The following TDRD9 variants were observed in gnomAD, a reference collection of about 807,000 sequenced individuals.
TDRD9 encodes the protein ATP-dependent RNA helicase TDRD9.
TDRD9 carries 124 observed loss-of-function variants against 172.6 expected under a neutral mutation model. The ratio of observed to expected loss-of-function variants is 0.72; its 90% CI spans 0.62 to 0.83. TDRD9 has a LOEUF of 0.83. Ranked by LOEUF, TDRD9 falls within the 40% of genes least tolerant of loss-of-function variation. The pLI, the probability that TDRD9 is intolerant of heterozygous loss-of-function variation, is 0.00. For synonymous variants in TDRD9, 619 were observed against 617.1 expected (o/e 1.00, Z -0.05); for missense variants, 1,479 against 1,714.1 (o/e 0.86, Z 2.42).
chr14:103,996,381 A>T (rs1166659215), intron 12 of TDRD9, among the ~76,000 whole-genome samples: 1 of 152,226 alleles, frequency 6.6e-6, no homozygotes, highest in Non-Finnish European at 1.5e-5. Flanking sequence ...GGTGGGAGAG[A>T]GAGATGCTTA....
At chr14:103,994,475 G>A (rs2033984789) in intron 10 of TDRD9, 44 bp from the exon 11 acceptor site, 6 of 1,605,104 alleles carry the variant, frequency 3.7e-6, no homozygotes, top group Non-Finnish European at 5.1e-6. Flanking sequence ...TGTATCTCAT[G>A]TATATCTATT....
chr14:104,049,756 C>A, intron 35 of TDRD9, 76 bp downstream of exon 35: 1 of 1,308,112 alleles, frequency 7.6e-7, no homozygotes, highest in Non-Finnish European at 1.1e-6. Context: ...ACCCAGGGTT[C>A]AGAGCCAGGG....
At chr14:103,931,854 T>A (rs2030409344) in intron 1 of TDRD9, among the ~76,000 whole-genome samples, 2 of 152,078 alleles carry the variant, frequency 1.3e-5, no homozygotes, top group African/African-American at 4.8e-5. Context: ...AAATTTGAAA[T>A]GAGAGATTTG....
In TDRD9 at chr14:104,022,263, G is replaced by A. The variant is rs369061715; in HGVS notation, c.2539G>A (p.Val847Ile). The change falls in exon 24 of 36, where the codon GTT becomes ATT. Residue 847 changes from valine (V) to isoleucine (I), a missense_variant. Coordinates refer to ENST00000409874, the MANE Select transcript of TDRD9 (RefSeq NM_153046.3). The stretch of plus-strand genomic sequence containing the variant: ...ACTAAAAGTTTCACTTGAACTCAGC[G>A]TTCATTCTGCAGAGGAAATTGAAGG... The part of the protein sequence containing the change: ...SQLKVSLELS[V>I]HSAEEIEGKV... 2.2e-5 allele frequency: 35 copies of A among 1,613,436 alleles called. No homozygotes were observed. The highest frequency in any genetic ancestry group is 2.7e-5 in the Non-Finnish European group (32 of 1,179,710).
chr14:103,938,557 G>A (rs2152117928), intron 1 of TDRD9, among the ~76,000 whole-genome samples: 1 of 149,506 alleles, frequency 6.7e-6, no homozygotes, highest in Middle Eastern at 3.5e-3. Flanking sequence ...TCCTGCCTCA[G>A]CCTCCCAAGT....
chr14:103,981,300 T>C (rs907650196), intron 7 of TDRD9, among the ~76,000 whole-genome samples: 1 of 152,206 alleles, frequency 6.6e-6, no homozygotes, highest in South Asian at 2.1e-4. Context: ...GTTCATTGTG[T>C]ATTTTCTGTC....
rs1023293575 is a variant in TDRD9 at position 103,966,781 on chromosome 14, A to G, written c.715A>G (p.Ile239Val). 1 of 1,551,302 alleles carries G rather than the reference A, an allele frequency of 6.4e-7. No individual in the cohort carries two copies. The highest frequency in any genetic ancestry group is 2.0e-5 in the Admixed American group (1 of 50,988). ...YMTTGVLLQK[I>V]VSAKSLMEFT... ...GACAACTGGAGTCCTGCTTCAGAAAATAGTTAGTGCCAAGAGTTTGATGGA... is the reference window on the plus strand; with the variant it reads ...GACAACTGGAGTCCTGCTTCAGAAAGTAGTTAGTGCCAAGAGTTTGATGGA... The change falls in exon 5 of 36, where the codon ATA (isoleucine) becomes GTA (valine). Residue 239 changes from isoleucine (I) to valine (V), a missense_variant. By Grantham distance (29) the Ile-to-Val change is conservative (BLOSUM62 3). Around this residue, in one of 3 missense-constraint regions of TDRD9, gnomAD observed 1,413 missense variants for 1,649.1 expected, o/e 0.86. Coordinates refer to ENST00000409874, the MANE Select transcript of TDRD9 (RefSeq NM_153046.3).
rs2032702266 is a variant in TDRD9 at position 103,965,550 on chromosome 14, A to G, written c.638A>G (p.Tyr213Cys). ...RAWTLGGVVG[Y>C]QVGLEKIATE... Reference sequence around the variant, plus strand: ...TGGACCCTGGGAGGTGTGGTGGGCTACCAGGTGAGACTGGGAGGGAGGGAG... The same window carrying G: ...TGGACCCTGGGAGGTGTGGTGGGCTGCCAGGTGAGACTGGGAGGGAGGGAG... Residue 213 changes from tyrosine to cysteine, a missense_variant, in exon 4 of 36, where the codon TAC becomes TGC. Physicochemically the swap from Tyr to Cys is radical, Grantham distance 194 (BLOSUM62 -2). Around this residue, in one of 3 missense-constraint regions of TDRD9, gnomAD observed 1,413 missense variants for 1,649.1 expected, o/e 0.86. Coordinates refer to ENST00000409874, the MANE Select transcript of TDRD9 (RefSeq NM_153046.3). 1 of 1,536,866 alleles carries G rather than the reference A, an allele frequency of 6.5e-7. No homozygotes were observed. The highest frequency in any genetic ancestry group is 8.8e-7 in the Non-Finnish European group (1 of 1,140,562).
intron 22 of TDRD9, among the ~76,000 whole-genome samples, chr14:104,017,215 A>T (rs986266589): frequency 9.2e-5 from 14 of 151,928 alleles, no homozygotes; most frequent in Admixed American, 9.2e-4. Flanking sequence ...TCTAGTAGCT[A>T]TGCCTGCATC....
chr14:104,030,721 C>T (rs1368931617), intron 28 of TDRD9, among the ~76,000 whole-genome samples: 3 of 152,070 alleles, frequency 2.0e-5, no homozygotes, highest in African/African-American at 4.8e-5. Flanking sequence ...AGTAAACTAT[C>T]GCAAGGACAA....
rs569483739 is a variant in TDRD9 at position 104,025,915 on chromosome 14, T to G, written c.2932-132T>G. On this transcript the variant is annotated intron_variant, in intron 26 of 35. Coordinates refer to ENST00000409874, the MANE Select transcript of TDRD9 (RefSeq NM_153046.3). ...AAGTAGTCTGTTTCCCTCATTGATA[T>G]GTGGATTTAAGCTCAGGTCACTCCA... 90 of 977,694 alleles carry G rather than the reference T, an allele frequency of 9.2e-5. 1 individual carries two copies. In the African/African-American group the frequency reaches 1.3e-3, roughly 14 times the overall value. 60.6% of individuals were successfully genotyped at this position (977,694 alleles called of 1,614,324 possible).
At chr14:104,000,784 CA>C (rs952539749) in intron 13 of TDRD9, among the ~76,000 whole-genome samples, 2 of 150,608 alleles carry the variant, frequency 1.3e-5, no homozygotes, top group Non-Finnish European at 3.0e-5. Flanking sequence ...GACTGTGTCT[CA>C]AAAAAAACAA....
chr14:103,996,329 G>A (rs1317418617), intron 12 of TDRD9, among the ~76,000 whole-genome samples: 1 of 152,212 alleles, frequency 6.6e-6, no homozygotes, highest in South Asian at 2.1e-4. Flanking sequence ...GCAGTACAGT[G>A]GTGAGTAAGA....
intron 15 of TDRD9, 115 bp downstream of exon 15, chr14:104,005,520 C>T (rs12147828): frequency 0.33 from 320,722 of 979,506 alleles, 66,573 homozygotes; most frequent in African/African-American, 0.42. Flanking sequence ...CTCACTTTCC[C>T]GCTAACTCTG....
At chr14:104,049,411 C>G in intron 34 of TDRD9, 197 bp from the exon 35 acceptor site, 1 of 423,960 alleles carries the variant, frequency 2.4e-6, no homozygotes, top group Non-Finnish European at 4.2e-6. Flanking sequence ...CTGTCACACT[C>G]CATTTCTTTC....
At chr14:103,977,491 T>C (rs1157588573) in intron 7 of TDRD9, among the ~76,000 whole-genome samples, 1 of 20,948 alleles carries the variant, frequency 4.8e-5, no homozygotes, top group Non-Finnish European at 8.1e-5. Flanking sequence ...AGACTCCATC[T>C]CAAAAAAAAA....
intron 24 of TDRD9, 77 bp downstream of exon 24, chr14:104,022,407 A>T: frequency 7.0e-7 from 1 of 1,437,434 alleles, no homozygotes; most frequent in South Asian, 1.3e-5. Context: ...ATGACCGTTG[A>T]TCTGGCATTG....
rs1455219480 is a variant in TDRD9 at position 104,022,982 on chromosome 14, C to T, written c.2606+652C>T. Among the ~76,000 whole-genome samples the T allele has an allele frequency of 2.0e-5, 3 of 151,488 alleles. No individual in the cohort carries two copies. The East Asian group carries it at 5.9e-4, about 30-fold the overall frequency. On this transcript the variant is annotated intron_variant, in intron 24 of 35. Coordinates refer to ENST00000409874, the MANE Select transcript of TDRD9 (RefSeq NM_153046.3). ...ATCACTTGAGGTCAGGAGTTCAAAA[C>T]GAGCCTGGCCGACATGGTGAAACCC...
chr14:103,932,283 A>G (rs1221605497), intron 1 of TDRD9, among the ~76,000 whole-genome samples: 1 of 152,260 alleles, frequency 6.6e-6, no homozygotes, highest in Admixed American at 6.5e-5. Context: ...GGTGCCTGGC[A>G]CATAGTGGAT....
Sources: allele counts gnomAD v4.1 joint callset (sites outside exome capture counted in the v4.1 genomes callset), GRCh38; gene constraint gnomAD v4.1.1; regional missense constraint gnomAD v4.1.1; transcripts MANE v1.5; gene names NCBI Gene and HGNC (gene_info 2026-07-23, HGNC 2026-07-21).